Variants in BDP1 observed in about 807,000 individuals in gnomAD.
BDP1 encodes the protein transcription factor TFIIIB component B'' homolog.
In BDP1, 169 loss-of-function variants were observed where a neutral mutation model predicts 266.6. The ratio of observed to expected loss-of-function variants is 0.63; its 90% CI spans 0.56 to 0.72. The LOEUF is 0.72. Among genes scored for constraint, BDP1 ranks in the 30% least tolerant of loss-of-function variants. The pLI is 0.00. For missense variants in BDP1, 3,015 were observed against 3,053.8 expected (o/e 0.99, Z 0.30); for synonymous variants, 1,090 against 1,022.4 (o/e 1.07, Z -1.26).
intron 35 of BDP1, 105 bp downstream of exon 35, chr5:71,553,425 TATA>T: frequency 1.4e-6 from 1 of 714,760 alleles, no homozygotes; most frequent in Admixed American, 2.9e-5. Flanking sequence ...AACTTTTAGA[TATA>T]TATAAAGATA....
At chr5:71,558,547 T>C (rs1301945499) in intron 36 of BDP1, among the ~76,000 whole-genome samples, 1 of 144,504 alleles carries the variant, frequency 6.9e-6, no homozygotes, top group African/African-American at 2.6e-5. Context: ...AATACTTGAC[T>C]GGGCGTGGTG....
chr5:71,479,632 C>T (rs1052473688), intron 7 of BDP1, among the ~76,000 whole-genome samples: 37 of 151,524 alleles, frequency 2.4e-4, no homozygotes, highest in Non-Finnish European at 4.0e-4. Flanking sequence ...CTGCAAGCTC[C>T]GCCTCCCGGG....
At chr5:71,458,545 A>G in intron 1 of BDP1, 34 bp from the exon 2 acceptor site, 2 of 1,522,876 alleles carry the variant, frequency 1.3e-6, no homozygotes. Flanking sequence ...CAGAAGATTC[A>G]TGTGCCCTCT....
the BDP1 span, among the ~76,000 whole-genome samples, chr5:71,574,663 T>C: frequency 2.5e-3 from 380 of 152,322 alleles, 2 homozygotes; most frequent in African/African-American, 8.2e-3. Context: ...CCAGGAGTGA[T>C]TGACTCTGAT....
At chr5:71,464,186 C>G (rs1386851814) in intron 4 of BDP1, 69 bp downstream of exon 4, 6 of 964,330 alleles carry the variant, frequency 6.2e-6, no homozygotes, top group Non-Finnish European at 9.4e-6. Flanking sequence ...ATGGTGCTTC[C>G]TGTTATAGTT....
chr5:71,461,034 C>T (rs952522429), intron 2 of BDP1, among the ~76,000 whole-genome samples: 7 of 152,158 alleles, frequency 4.6e-5, no homozygotes, highest in South Asian at 2.1e-4. Context: ...GGATGGAGTG[C>T]GCTAGTATAA....
intron 2 of BDP1, 121 bp downstream of exon 2, chr5:71,458,976 C>G: frequency 3.5e-6 from 3 of 854,478 alleles, no homozygotes; most frequent in South Asian, 1.8e-5. Context: ...ATCCCTTAGT[C>G]AATAGAACAT....
At chr5:71,544,879 CAAAAAAAAAAAAAAA>C (rs141573220) in intron 31 of BDP1, among the ~76,000 whole-genome samples, 145 bp from the exon 32 acceptor site, 1 of 28,494 alleles carries the variant, frequency 3.5e-5, no homozygotes, top group Non-Finnish European at 6.2e-5. Context: ...GACTCTGTCT[CAAAAAAAAAAAAAAA>C]AAAAAAAAAA....
chr5:71,493,412 A>G (rs1175671684), intron 11 of BDP1, among the ~76,000 whole-genome samples: 7 of 152,142 alleles, frequency 4.6e-5, no homozygotes, highest in Non-Finnish European at 1.0e-4. Context: ...GTCATGGGAC[A>G]CCATGACTGG....
At chr5:71,515,563 A>C (rs1263846093) in intron 20 of BDP1, among the ~76,000 whole-genome samples, 1 of 152,194 alleles carries the variant, frequency 6.6e-6, no homozygotes, top group East Asian at 1.9e-4. Context: ...GGTCCTAAGC[A>C]TTTTGGATAG....
At chr5:71,549,243 C>T (rs574748669) in intron 33 of BDP1, among the ~76,000 whole-genome samples, 177 bp from the exon 34 acceptor site, 24 of 152,030 alleles carry the variant, frequency 1.6e-4, no homozygotes, top group South Asian at 8.3e-4. Flanking sequence ...GTCTCCCCCC[C>T]GCAAAAAAGG....
intron 16 of BDP1, among the ~76,000 whole-genome samples, chr5:71,507,795 G>A (rs73122774): frequency 0.016 from 2,472 of 152,236 alleles, 65 homozygotes; most frequent in African/African-American, 0.057. Flanking sequence ...AGTTAATGAT[G>A]GATATAAACA....
intron 3 of BDP1, among the ~76,000 whole-genome samples, chr5:71,463,003 C>T (rs1342231343): frequency 1.3e-5 from 2 of 151,916 alleles, no homozygotes; most frequent in African/African-American, 4.8e-5. Context: ...CATTGTGGCG[C>T]ACAGGAGGCT....
intron 11 of BDP1, 96 bp downstream of exon 11, chr5:71,491,227 C>G (rs868290392): frequency 3.4e-6 from 4 of 1,170,930 alleles, no homozygotes; most frequent in South Asian, 3.2e-5. Flanking sequence ...TTGCCTGTTT[C>G]TTTTTTTCAG....
At chr5:71,572,580 G>A (rs468633), downstream of BDP1, among the ~76,000 whole-genome samples, 67,504 of 152,038 alleles carry the variant, frequency 0.44, 15,382 homozygotes, top group South Asian at 0.55. Flanking sequence ...AGGGTAACAT[G>A]GAGCAGAATT....
At chr5:71,530,905 T>A (rs1365240071) in intron 25 of BDP1, among the ~76,000 whole-genome samples, 2 of 151,984 alleles carry the variant, frequency 1.3e-5, no homozygotes, top group Non-Finnish European at 2.9e-5. Flanking sequence ...TGGCGAAACC[T>A]CATCTTTACA....
chr5:71,562,072 G>A (rs1001932832), intron 37 of BDP1, among the ~76,000 whole-genome samples: 5 of 151,728 alleles, frequency 3.3e-5, no homozygotes, highest in African/African-American at 7.3e-5. Flanking sequence ...GTGAAACCCC[G>A]TCTCTACTAC....
At position 71,565,440 on chromosome 5, in the gene BDP1, T is replaced by C. The variant is rs903890716; in HGVS notation, c.*555T>C. ...AAAATGGAGATAAATTCCTATCAAC[T>C]AGTGACATTATAGCCATCATAACAC... On this transcript the variant is annotated 3_prime_UTR_variant, in exon 39 of 39. Transcript: ENST00000358731. 3 of 152,486 alleles carry C rather than the reference T, an allele frequency of 2.0e-5. No individual in the cohort carries two copies. Among genetic ancestry groups the C allele is most frequent in the African/African-American group, 7.2e-5 (3 of 41,476 alleles). The allele number at this position is 152,486 out of a possible 1,614,324, so 9.4% of individuals were successfully genotyped here. A position where few individuals can be genotyped will look rare whatever the true frequency, so the allele number is the denominator to read the frequency against.
downstream of BDP1, among the ~76,000 whole-genome samples, chr5:71,569,446 A>G (rs1464524548): frequency 6.6e-6 from 1 of 151,804 alleles, no homozygotes; most frequent in Non-Finnish European, 1.5e-5. Context: ...TGTTGCTAAA[A>G]AACATTAAAA....
Sources: allele counts gnomAD v4.1 joint callset (sites outside exome capture counted in the v4.1 genomes callset), GRCh38; gene constraint gnomAD v4.1.1; transcripts MANE v1.5; gene names NCBI Gene and HGNC (gene_info 2026-07-23, HGNC 2026-07-21).